CC2D1B: variants seen among roughly 807,000 people sequenced by gnomAD.
CC2D1B encodes coiled-coil and C2 domain-containing protein 1B.
Under a neutral mutation model 110.8 loss-of-function variants are expected in CC2D1B, and 92 were observed. The ratio of observed to expected loss-of-function variants is 0.83; its 90% CI spans 0.70 to 0.99. CC2D1B has a LOEUF of 0.99. CC2D1B is among the 50% of genes least tolerant of loss of function. The pLI is 0.00. For synonymous variants in CC2D1B, 406 were observed against 429.2 expected, an observed-to-expected ratio of 0.95 and a Z score of 0.67; for missense variants, 1,136 against 1,089.0, an observed-to-expected ratio of 1.04 and a Z score of -0.61.
rs974182838 is a variant in CC2D1B at position 52,351,266 on chromosome 1, C to G, written c.*1959G>C. ...ATTGAATGGGTTGCAAAGGAGAAAC[C>G]TTTAGAGCTATAGAAAACTTTCTAT... On this transcript the variant is annotated 3_prime_UTR_variant, in exon 25 of 25. Coordinates refer to ENST00000284376, the MANE Select transcript of CC2D1B (RefSeq NM_001330585.2). 1.3e-5 allele frequency: 2 copies of G among 152,192 alleles called. 1 individual carries two copies. The highest frequency in any genetic ancestry group is 1.3e-4 in the Admixed American group (2 of 15,280). The allele number at this position is 152,192 out of a possible 1,614,324, so 9.4% of individuals were successfully genotyped here.
chr1:52,361,090 G>T lies in CC2D1B; in HGVS notation c.361C>A (p.Pro121Thr). The T allele has an allele frequency of 6.2e-7, 1 of 1,614,012 alleles. No individual in the cohort carries two copies. The highest frequency in any genetic ancestry group is 1.1e-5 in the South Asian group (1 of 91,082). The change falls in exon 5 of 25, where the codon CCC (proline) becomes ACC (threonine). Residue 121 changes from proline (P) to threonine (T), a missense_variant. By Grantham distance (38) the Pro-to-Thr change is conservative (BLOSUM62 -1). Coordinates refer to ENST00000284376, the MANE Select transcript of CC2D1B (RefSeq NM_001330585.2). ...EVLGVDEETE[P>T]LDGDEVADPG... ...TCAGCTACCTCATCACCATCCAGGG[G>T]CTCAGTCTCCTCGTCCACACCTAAG...
rs754554837 is a variant in CC2D1B at position 52,357,893 on chromosome 1, C to T, written c.1467G>A (p.Glu489=). 1.3e-6 allele frequency: 2 copies of T among 1,554,920 alleles called. No individual in the cohort carries two copies. The highest frequency in any genetic ancestry group is 1.7e-6 in the Non-Finnish European group (2 of 1,156,110). ...APADKDEDEG[E]PPAQAPVAKK... is the part of the protein sequence containing the mutation. The stretch of plus-strand genomic sequence containing the variant: ...TGGCCACTGGGGCCTGTGCTGGGGG[C>T]TCACCCTGCAGGTGCCCAGGAGGCT... The change falls in exon 14 of 25, where the codon GAG becomes GAA. Residue 489 remains glutamate (E), a synonymous_variant. Coordinates refer to ENST00000284376, the MANE Select transcript of CC2D1B (RefSeq NM_001330585.2).
rs147528491 is a variant in CC2D1B at position 52,358,451 on chromosome 1, G to C, written c.1341C>G (p.Pro447=). ...AELPVPPGFP[P]IPGLESTMGV... ...CCATAGTGGACTCCAGGCCAGGGAT[G>C]GGGGGAAATCCTGTGGGAGAGAGAC... The change falls in exon 13 of 25, where the codon CCC becomes CCG. Residue 447 remains proline (P), a synonymous_variant. Transcript: ENST00000284376. 4 of 1,613,556 alleles carry C rather than the reference G, an allele frequency of 2.5e-6. No homozygotes were observed. Among genetic ancestry groups the C allele is most frequent in the African/African-American group, 2.7e-5 (2 of 74,888 alleles).
At chr1:52,357,163 CAG>C in intron 15 of CC2D1B, 37 bp from the exon 16 acceptor site, 1 of 1,610,462 alleles carries the variant, frequency 6.2e-7, no homozygotes, top group Non-Finnish European at 8.5e-7. Flanking sequence ...CCCCAAGAGT[CAG>C]ATTACTCCTC....
rs1646557438 is a variant in CC2D1B, at chr1:52,352,985, G to A, written c.*240C>T. 2 of 375,128 alleles carry A rather than the reference G, an allele frequency of 5.3e-6. No homozygotes were observed. Among genetic ancestry groups the A allele is most frequent in the East Asian group, 7.4e-5 (1 of 13,470 alleles). The allele number at this position is 375,128 out of a possible 1,614,324, so 23.2% of individuals were successfully genotyped here. A position where few individuals can be genotyped will look rare whatever the true frequency, so the allele number is the denominator to read the frequency against. On this transcript the variant is annotated 3_prime_UTR_variant, in exon 25 of 25. Coordinates refer to ENST00000284376, the MANE Select transcript of CC2D1B (RefSeq NM_001330585.2). The stretch of plus-strand genomic sequence containing the variant: ...AGTGTCCTTGCCCTCTTCCAGACTC[G>A]GGGCAGGGGGAGACAGCGGGGAGAT...
At chr1:52,360,322 C>G (rs1308401109) in intron 6 of CC2D1B, 89 bp from the exon 7 acceptor site, 3 of 1,595,256 alleles carry the variant, frequency 1.9e-6, no homozygotes, top group Non-Finnish European at 2.6e-6. Flanking sequence ...CCCCAACCCC[C>G]AAAGTCTGGT....
intron 16 of CC2D1B, chr1:52,356,797 C>A: frequency 1.6e-6 from 1 of 617,486 alleles, no homozygotes; most frequent in Non-Finnish European, 2.8e-6. Flanking sequence ...GTTGTTTGTA[C>A]CACCCTGAAA....
At chr1:52,361,243 CTG>C in intron 4 of CC2D1B, 111 bp from the exon 5 acceptor site, 1 of 1,372,654 alleles carries the variant, frequency 7.3e-7, no homozygotes, top group Non-Finnish European at 1.0e-6. Context: ...ACGTCAGTCA[CTG>C]TGCCTGAGTC....
intron 20 of CC2D1B, 55 bp downstream of exon 20, chr1:52,355,553 G>A: frequency 6.2e-7 from 1 of 1,609,836 alleles, no homozygotes; most frequent in Non-Finnish European, 8.5e-7. Flanking sequence ...AGTGAGCACA[G>A]GGTCCTGGAA....
intron 2 of CC2D1B, 64 bp downstream of exon 2, chr1:52,364,488 C>G (rs1646844161): frequency 9.0e-7 from 1 of 1,111,194 alleles, no homozygotes; most frequent in East Asian, 2.5e-5. Context: ...TCCAGTTTGC[C>G]TAAGTTGTCT....
intron 23 of CC2D1B, 62 bp from the exon 24 acceptor site, chr1:52,353,709 C>T: frequency 8.0e-7 from 1 of 1,243,726 alleles, no homozygotes. Flanking sequence ...GCAGGCAGGT[C>T]CCTACATTCC....
chr1:52,358,731 G>C lies in CC2D1B; in HGVS notation c.1285C>G (p.Arg429Gly), dbSNP rs377540926. The change falls in exon 12 of 25, where the codon CGA becomes GGA. Residue 429 changes from arginine (R) to glycine (G), a missense_variant. Physicochemically the swap from Arg to Gly is moderately radical, Grantham distance 125. Transcript: ENST00000284376. ...KQYQDAIRAH[R>G]AGRKVNFAEL... Reference sequence around the variant, plus strand: ...GCAAAGTTGACTTTCCGTCCTGCTCGGTGTGCTCGAATAGCATCTTGATAT... The same window carrying C: ...GCAAAGTTGACTTTCCGTCCTGCTCCGTGTGCTCGAATAGCATCTTGATAT... 5.6e-6 allele frequency: 9 copies of C among 1,612,366 alleles called. No individual in the cohort carries two copies. The Admixed American group carries it at 1.5e-4, about 27-fold the overall frequency.
Position 52,359,715 on chromosome 1 carries a change from CTCA to C in CC2D1B, c.929_931del (p.Met310del). ...AGCCAGATGCCATACCTTCCCAATCCTCATGAGCTCTCGGGCACGGTCTAGCTC... is the reference window on the plus strand; with the variant it reads ...AGCCAGATGCCATACCTTCCCAATCCTGAGCTCTCGGGCACGGTCTAGCTC... On this transcript the variant is annotated inframe_deletion, in exon 8 of 25. Coordinates refer to ENST00000284376, the MANE Select transcript of CC2D1B (RefSeq NM_001330585.2). The C allele has an allele frequency of 6.9e-6, 11 of 1,602,196 alleles. No homozygotes were observed. Among genetic ancestry groups the C allele is most frequent in the Non-Finnish European group, 9.4e-6 (11 of 1,174,480 alleles).
chr1:52,361,178 A>C, intron 4 of CC2D1B, 46 bp from the exon 5 acceptor site: 1 of 1,609,704 alleles, frequency 6.2e-7, no homozygotes, highest in Non-Finnish European at 8.5e-7. Context: ...CCTCAAGACC[A>C]TACCCACAAC....
chr1:52,360,309 G>GC, intron 6 of CC2D1B, 76 bp from the exon 7 acceptor site: 2 of 1,597,588 alleles, frequency 1.3e-6, no homozygotes, highest in Non-Finnish European at 8.5e-7. Flanking sequence ...GCCAGGGGTG[G>GC]CCCCCCAACC....
At chr1:52,365,194 G>GT (rs1646856785) in intron 1 of CC2D1B, among the ~76,000 whole-genome samples, 1 of 152,248 alleles carries the variant, frequency 6.6e-6, no homozygotes, top group African/African-American at 2.4e-5. Flanking sequence ...AGATCTCACA[G>GT]TTATTCACAG....
intron 1 of CC2D1B, among the ~76,000 whole-genome samples, 195 bp downstream of exon 1, chr1:52,365,874 A>T (rs932958290): frequency 2.0e-5 from 3 of 152,138 alleles, no homozygotes; most frequent in African/African-American, 7.2e-5. Flanking sequence ...AAGCGAGGCC[A>T]GACACTCCAA....
chr1:52,353,464 T>C, intron 24 of CC2D1B, 54 bp downstream of exon 24: 1 of 1,563,166 alleles, frequency 6.4e-7, no homozygotes, highest in Non-Finnish European at 8.6e-7. Flanking sequence ...AGTTGAGTAG[T>C]TAGTTGAGTA....
chr1:52,362,581 C>A (rs1370583648), intron 3 of CC2D1B, 21 bp downstream of exon 3: 4 of 1,613,898 alleles, frequency 2.5e-6, no homozygotes, highest in Non-Finnish European at 3.4e-6. Context: ...GCACCAAGAC[C>A]AGCCCTGTGT....
Sources: gnomAD v4.1 joint callset for allele counts (sites outside exome capture counted in the v4.1 genomes callset) on GRCh38, gnomAD v4.1.1 for gene constraint, MANE v1.5 for transcripts, NCBI Gene and HGNC (gene_info 2026-07-23, HGNC 2026-07-21) for gene names.